CECR2: variants seen among roughly 807,000 people sequenced by gnomAD.
The protein encoded by CECR2 is chromatin remodeling regulator CECR2.
CECR2 carries 30 observed loss-of-function variants against 154.5 expected under a neutral mutation model. The observed-to-expected ratio is 0.19, with a 90% CI of 0.15 to 0.26. The LOEUF (loss-of-function observed/expected upper bound fraction) is 0.26. Ranked by LOEUF, CECR2 falls within the 10% of genes least tolerant of loss-of-function variation. The pLI is 1.00. For missense variants in CECR2, 1,743 were observed against 1,829.3 expected, an observed-to-expected ratio of 0.95 and a Z score of 0.86; for synonymous variants, 725 against 683.7, an observed-to-expected ratio of 1.06 and a Z score of -0.94.
intron 2 of CECR2, among the ~76,000 whole-genome samples, chr22:17,494,591 AC>A (rs2055588508): frequency 6.6e-6 from 1 of 152,144 alleles, no homozygotes; most frequent in African/African-American, 2.4e-5. Context: ...TAGAACTGTT[AC>A]GCTGCATTTT....
At position 17,472,460 on chromosome 22, in the gene CECR2, C is replaced by T. The variant is rs112316379; in HGVS notation, c.127-5128C>T. Among the ~76,000 whole-genome samples the T allele has an allele frequency of 8.1e-3, 1,235 of 152,224 alleles. 8 individuals are homozygous for T. The highest frequency in any genetic ancestry group is 0.012 in the Non-Finnish European group (839 of 68,006). ...CCTTTGTGTCCTTGCGGTTCCGGGT[C>T]CTATACAGAAGATCTCTGTCCTTTG... On this transcript the variant is annotated intron_variant, in intron 1 of 18. Coordinates refer to ENST00000262608, the MANE Select transcript of CECR2 (RefSeq NM_001290047.2).
chr22:17,444,625 A>C (rs1298517352), intron 1 of CECR2, among the ~76,000 whole-genome samples: 1 of 152,158 alleles, frequency 6.6e-6, no homozygotes, highest in Non-Finnish European at 1.5e-5. Flanking sequence ...CCTAAAAAAA[A>C]AAAACTTGAA....
intron 2 of CECR2, among the ~76,000 whole-genome samples, chr22:17,477,912 A>T (rs2055237519): frequency 6.6e-6 from 1 of 152,128 alleles, no homozygotes; most frequent in Admixed American, 6.5e-5. Flanking sequence ...AATCCATATC[A>T]CTTACTCTTG....
At chr22:17,462,107 TA>T (rs1359151318) in intron 1 of CECR2, among the ~76,000 whole-genome samples, 1 of 151,830 alleles carries the variant, frequency 6.6e-6, no homozygotes, top group Non-Finnish European at 1.5e-5. Context: ...GTTACTTTTT[TA>T]AAGATAAAGA....
chr22:17,524,548 A>T (rs1243715324), intron 9 of CECR2, among the ~76,000 whole-genome samples: 22 of 135,852 alleles, frequency 1.6e-4, no homozygotes, highest in Non-Finnish European at 3.1e-4. Flanking sequence ...GCCCACCACC[A>T]CGCCCGGCTA....
chr22:17,439,211 T>A (rs5992711), intron 1 of CECR2, among the ~76,000 whole-genome samples: 12,039 of 151,080 alleles, frequency 0.08, 1,025 homozygotes, highest in African/African-American at 0.22. Flanking sequence ...GTATTGGCAA[T>A]TTTTTTTCTG....
chr22:17,385,644 A>G lies in CECR2; in HGVS notation c.126+15735A>G, dbSNP rs539489472. ...TAATAATCATGAAAATGTTTGAAAT[A>G]TTGTGAGAATTACCAAAATGCAACA... On this transcript the variant is annotated intron_variant, in intron 1 of 18. Coordinates refer to ENST00000262608, the MANE Select transcript of CECR2 (RefSeq NM_001290047.2). 2.0e-5 allele frequency among the ~76,000 whole-genome samples: 3 copies of G among 152,350 alleles called. No homozygotes were observed. The East Asian group carries it at 5.8e-4, about 29-fold the overall frequency.
intron 1 of CECR2, among the ~76,000 whole-genome samples, chr22:17,389,883 G>A (rs761950057): frequency 4.9e-4 from 74 of 152,046 alleles, no homozygotes; most frequent in African/African-American, 1.5e-3. Flanking sequence ...CCACCTCGGC[G>A]TCCCAAAATG....
chr22:17,441,559 A>C (rs1356697550), intron 1 of CECR2, among the ~76,000 whole-genome samples: 1 of 152,136 alleles, frequency 6.6e-6, no homozygotes, highest in Non-Finnish European at 1.5e-5. Flanking sequence ...GGGGAGATTG[A>C]CTAGGGGTTA....
chr22:17,519,873 C>T (rs1349880587), intron 8 of CECR2, among the ~76,000 whole-genome samples: 1 of 151,536 alleles, frequency 6.6e-6, no homozygotes, highest in African/African-American at 2.4e-5. Context: ...TCACTGCAAC[C>T]TCCGCCTCCC....
chr22:17,484,755 G>A (rs935265036), intron 2 of CECR2, among the ~76,000 whole-genome samples: 2 of 152,144 alleles, frequency 1.3e-5, no homozygotes, highest in African/African-American at 4.8e-5. Flanking sequence ...GCACACGCCT[G>A]TAGTCCCAGC....
intron 13 of CECR2, 53 bp downstream of exon 13, chr22:17,539,172 T>C (rs2056483125): frequency 6.3e-7 from 1 of 1,591,822 alleles, no homozygotes; most frequent in East Asian, 2.2e-5. Context: ...AAGAATAAAA[T>C]GCCTTCTCTT....
chr22:17,499,308 T>G, intron 3 of CECR2, 102 bp from the exon 4 acceptor site: 5 of 1,403,694 alleles, frequency 3.6e-6, no homozygotes, highest in East Asian at 2.4e-5. Context: ...CATTTTTAGA[T>G]TTGAGTTATG....
chr22:17,555,279 G>A lies in CECR2; in HGVS notation c.*2439G>A, dbSNP rs1374737050. The A allele has an allele frequency of 2.0e-5, 3 of 152,288 alleles. No homozygotes were observed. The highest frequency in any genetic ancestry group is 2.1e-4 in the South Asian group (1 of 4,812). The allele number at this position is 152,288 out of a possible 1,614,324, so 9.4% of individuals were successfully genotyped here. A position where few individuals can be genotyped will look rare whatever the true frequency, so the allele number is the denominator to read the frequency against. On this transcript the variant is annotated 3_prime_UTR_variant, in exon 19 of 19. Transcript: ENST00000262608. Reference sequence around the variant, plus strand: ...TCCTTAATCTCCCTTCTTGGTTTTCGACAGAAAATATTAAGGAAGAGCAAT... The same window carrying A: ...TCCTTAATCTCCCTTCTTGGTTTTCAACAGAAAATATTAAGGAAGAGCAAT...
At chr22:17,401,601 C>T (rs189300024) in intron 1 of CECR2, among the ~76,000 whole-genome samples, 16 of 152,216 alleles carry the variant, frequency 1.1e-4, no homozygotes, top group Admixed American at 3.3e-4. Flanking sequence ...GTTCGTTCTA[C>T]TCAGTGTAAA....
At chr22:17,495,639 G>T (rs2055611078) in intron 2 of CECR2, among the ~76,000 whole-genome samples, 1 of 151,024 alleles carries the variant, frequency 6.6e-6, no homozygotes, top group Admixed American at 6.6e-5. Flanking sequence ...GAGGCGGGTG[G>T]ATCATGAGGT....
At chr22:17,402,157 G>GAC in intron 1 of CECR2, among the ~76,000 whole-genome samples, 1 of 152,046 alleles carries the variant, frequency 6.6e-6, no homozygotes, top group African/African-American at 2.4e-5. Context: ...CTAATTTCTT[G>GAC]TATTTTTAGT....
At chr22:17,453,258 A>G (rs181783059) in intron 1 of CECR2, among the ~76,000 whole-genome samples, 1 of 152,262 alleles carries the variant, frequency 6.6e-6, no homozygotes, top group African/African-American at 2.4e-5. Context: ...CCTGACCAAC[A>G]TGGAGAAACC....
intron 1 of CECR2, among the ~76,000 whole-genome samples, chr22:17,372,389 G>A (rs1165432193): frequency 6.6e-6 from 1 of 152,124 alleles, no homozygotes; most frequent in East Asian, 1.9e-4. Context: ...GTATTTTCTC[G>A]ACTCGGTGGC....
Sources: allele counts gnomAD v4.1 joint callset (sites outside exome capture counted in the v4.1 genomes callset), GRCh38; gene constraint gnomAD v4.1.1; transcripts MANE v1.5; gene names NCBI Gene and HGNC (gene_info 2026-07-23, HGNC 2026-07-21).